Variants in TLN2 observed in about 807,000 individuals in gnomAD.
TLN2 encodes the protein talin-2.
A neutral mutation model predicts 294.7 loss-of-function variants in TLN2; 118 were observed. The ratio of observed to expected loss-of-function variants is 0.40; its 90% CI spans 0.34 to 0.47. The LOEUF (loss-of-function observed/expected upper bound fraction) is 0.47. TLN2 is among the 20% of genes least tolerant of loss of function. TLN2 has a pLI of 0.84. For synonymous variants in TLN2, 1,431 were observed against 1,304.5 expected (o/e 1.10, Z -2.09); for missense variants, 3,083 against 3,282.2 (o/e 0.94, Z 1.48).
At chr15:62,557,350 A>T (rs1317908027) in intron 1 of TLN2, among the ~76,000 whole-genome samples, 2 of 152,212 alleles carry the variant, frequency 1.3e-5, no homozygotes, top group Admixed American at 1.3e-4. Flanking sequence ...TGGAGGCCGC[A>T]TGGAAACAGT....
At chr15:62,809,138 A>G (rs571631666) in intron 51 of TLN2, among the ~76,000 whole-genome samples, 1 of 152,354 alleles carries the variant, frequency 6.6e-6, no homozygotes, top group African/African-American at 2.4e-5. Flanking sequence ...AAAATAAAAA[A>G]TAGGATGTCC....
rs2061037744 is a variant in TLN2, at chr15:62,736,741, C to CA, written c.3359-136dup. The CA allele has an allele frequency of 2.1e-5, 20 of 955,238 alleles. No individual in the cohort carries two copies. The South Asian group carries it at 2.9e-4, about 14-fold the overall frequency. The allele number at this position is 955,238 out of a possible 1,614,324, so 59.2% of individuals were successfully genotyped here. ...TGAAGCCAGCTACTTCTTTGAGAAA[C>CA]ACAGCAATTCAAATTTTATGAAGAC... is the stretch of plus-strand genomic sequence containing the variant. On this transcript the variant is annotated intron_variant, in intron 28 of 58. Transcript: ENST00000636159.
rs532598224 is a variant in TLN2, at chr15:62,697,963, G to C, written c.1473+95G>C. The C allele has an allele frequency of 2.1e-6, 3 of 1,433,882 alleles. No homozygotes were observed. In the Admixed American group the frequency reaches 7.1e-5, roughly 34 times the overall value. The allele number at this position is 1,433,882 out of a possible 1,614,324, so 88.8% of individuals were successfully genotyped here. On this transcript the variant is annotated intron_variant, in intron 15 of 58. Coordinates refer to ENST00000636159, the MANE Select transcript of TLN2 (RefSeq NM_015059.3). Reference sequence around the variant, plus strand: ...GCGGTGATGGGCTGAGTGTTGGAACGCTCTCTATTTCCCGGCTGAACCATG... The same window carrying C: ...GCGGTGATGGGCTGAGTGTTGGAACCCTCTCTATTTCCCGGCTGAACCATG...
At chr15:62,507,876 G>A (rs182498278) in intron 1 of TLN2, among the ~76,000 whole-genome samples, 2 of 152,164 alleles carry the variant, frequency 1.3e-5, no homozygotes, top group East Asian at 1.9e-4. Flanking sequence ...CCCACATTCC[G>A]TACCTGAGAA....
intron 1 of TLN2, among the ~76,000 whole-genome samples, chr15:62,473,955 G>A (rs1214993678): frequency 6.6e-6 from 1 of 152,190 alleles, no homozygotes; most frequent in Non-Finnish European, 1.5e-5. Context: ...TTAGCCAGGT[G>A]TGGTGGCATG....
chr15:62,393,627 T>C (rs1262211543), intron 1 of TLN2, among the ~76,000 whole-genome samples: 1 of 152,232 alleles, frequency 6.6e-6, no homozygotes, highest in African/African-American at 2.4e-5. Context: ...AAAAAAACTA[T>C]GCATCTAAAT....
intron 1 of TLN2, among the ~76,000 whole-genome samples, chr15:62,431,755 C>T (rs1464840386): frequency 1.3e-5 from 2 of 152,152 alleles, no homozygotes; most frequent in African/African-American, 4.8e-5. Context: ...AGTCGTTCCT[C>T]AAATATATAA....
chr15:62,714,456 C>G (rs1047422443), intron 22 of TLN2, among the ~76,000 whole-genome samples: 74 of 152,076 alleles, frequency 4.9e-4, no homozygotes, highest in Non-Finnish European at 3.2e-4. Context: ...CCCGCCTCGG[C>G]CTCCCAAAGT....
chr15:62,737,081 G>T lies in TLN2; in HGVS notation c.3562G>T (p.Ala1188Ser). ...PGDAERQQRL[A>S]QVAKAVSHSL... Reference sequence around the variant, plus strand: ...AGATGCAGAGCGTCAACAAAGACTGGCTCAGGTGAGGCTAGGAATGAGAAA... The same window carrying T: ...AGATGCAGAGCGTCAACAAAGACTGTCTCAGGTGAGGCTAGGAATGAGAAA... Residue 1188 changes from alanine (A) to serine (S), a missense_variant, in exon 29 of 59, where the codon GCT (alanine) becomes TCT (serine). Transcript: ENST00000636159. 6.2e-7 allele frequency: 1 copy of T among 1,614,212 alleles called. No individual in the cohort carries two copies. The highest frequency in any genetic ancestry group is 8.5e-7 in the Non-Finnish European group (1 of 1,180,038).
chr15:62,679,603 A>C (rs1261205174), intron 11 of TLN2, among the ~76,000 whole-genome samples: 1 of 152,202 alleles, frequency 6.6e-6, no homozygotes, highest in African/African-American at 2.4e-5. Flanking sequence ...TGGTTGCTTA[A>C]GAGTTTGGTG....
At chr15:62,772,197 T>G (rs894098718) in intron 42 of TLN2, among the ~76,000 whole-genome samples, 1 of 152,064 alleles carries the variant, frequency 6.6e-6, no homozygotes, top group South Asian at 2.1e-4. Flanking sequence ...CCTCGAGCAA[T>G]CCTCCCCATT....
intron 1 of TLN2, among the ~76,000 whole-genome samples, chr15:62,408,279 T>C (rs1041146464): frequency 6.6e-6 from 1 of 152,178 alleles, no homozygotes; most frequent in Non-Finnish European, 1.5e-5. Flanking sequence ...GTTATTGTTA[T>C]AAAATGTGCT....
chr15:62,668,099 T>G (rs965750565), intron 9 of TLN2, among the ~76,000 whole-genome samples: 1 of 152,154 alleles, frequency 6.6e-6, no homozygotes, highest in African/African-American at 2.4e-5. Flanking sequence ...CTCAGTTACA[T>G]AGCATAAATA....
chr15:62,716,420 C>A lies in TLN2; in HGVS notation c.2724C>A (p.Ala908=). The A allele has an allele frequency of 1.9e-6, 3 of 1,610,004 alleles. No individual in the cohort carries two copies. Among genetic ancestry groups the A allele is most frequent in the Non-Finnish European group, 2.5e-6 (3 of 1,178,326 alleles). Residue 908 remains alanine, a synonymous_variant, in exon 23 of 59, where the codon GCC becomes GCA. Transcript: ENST00000636159. ...EGLRVATNAA[A]QNAIKKKIVN... Reference sequence around the variant, plus strand: ...TCCGGGTAGCAACCAACGCAGCTGCCCAGAATGCTATTAAGAAAAAAATTG... The same window carrying A: ...TCCGGGTAGCAACCAACGCAGCTGCACAGAATGCTATTAAGAAAAAAATTG...
chr15:62,641,168 T>C lies in TLN2; in HGVS notation c.-36-6107T>C, dbSNP rs1386336634. On this transcript the variant is annotated intron_variant, in intron 3 of 58. Transcript: ENST00000636159. ...GTGAGCTCCATGTAGACAGGAGTTG[T>C]ACCTGTCTTTGCCCCCTAATGCCTG... is the stretch of plus-strand genomic sequence containing the variant. 3.2e-4 allele frequency among the ~76,000 whole-genome samples: 48 copies of C among 152,178 alleles called. 1 individual carries two copies. The highest frequency in any genetic ancestry group is 4.4e-5 in the Non-Finnish European group (3 of 68,042).
chr15:62,783,930 A>ACAC (rs1466911922), intron 45 of TLN2, 40 bp downstream of exon 45: 3 of 1,609,766 alleles, frequency 1.9e-6, no homozygotes, highest in Non-Finnish European at 2.5e-6. Flanking sequence ...ATGCACACAC[A>ACAC]CACTGGTGCC....
intron 1 of TLN2, among the ~76,000 whole-genome samples, chr15:62,559,954 A>G (rs921067533): frequency 1.3e-5 from 2 of 152,216 alleles, no homozygotes; most frequent in African/African-American, 4.8e-5. Flanking sequence ...AGTTCCACCA[A>G]ATAGAATGGC....
intron 1 of TLN2, among the ~76,000 whole-genome samples, chr15:62,427,069 T>C (rs1460160990): frequency 6.6e-6 from 1 of 152,070 alleles, no homozygotes; most frequent in East Asian, 1.9e-4. Flanking sequence ...GCAGAGTGTT[T>C]TGAGTGATTG....
chr15:62,844,018 AC>A lies in TLN2; in HGVS notation c.*3410del, dbSNP rs2070964785. The A allele has an allele frequency of 6.6e-6, 1 of 152,188 alleles. No individual in the cohort carries two copies. Among genetic ancestry groups the A allele is most frequent in the African/African-American group, 2.4e-5 (1 of 41,444 alleles). The allele number at this position is 152,188 out of a possible 1,614,324, so 9.4% of individuals were successfully genotyped here. A position where few individuals can be genotyped will look rare whatever the true frequency, so the allele number is the denominator to read the frequency against. On this transcript the variant is annotated 3_prime_UTR_variant, in exon 59 of 59. Coordinates refer to ENST00000636159, the MANE Select transcript of TLN2 (RefSeq NM_015059.3). Reference sequence around the variant, plus strand: ...CCTGGAGGAAAGGTACCCTCTGTTGACCAAGGGGCTGGCTGCTTCTGAGACT... The same window carrying A: ...CCTGGAGGAAAGGTACCCTCTGTTGACAAGGGGCTGGCTGCTTCTGAGACT...
Sources: allele counts gnomAD v4.1 joint callset (sites outside exome capture counted in the v4.1 genomes callset), GRCh38; gene constraint gnomAD v4.1.1; transcripts MANE v1.5; gene names NCBI Gene and HGNC (gene_info 2026-07-23, HGNC 2026-07-21).